DNAJC19: variants seen among roughly 807,000 people sequenced by gnomAD.
The protein encoded by DNAJC19 is mitochondrial import inner membrane translocase subunit TIM14.
In DNAJC19, 15 loss-of-function variants were observed where a neutral mutation model predicts 19.8. The observed-to-expected ratio is 0.76, with a 90% CI of 0.51 to 1.17. DNAJC19 has a LOEUF of 1.17. Ranked by LOEUF, DNAJC19 falls within the 50% of genes most tolerant of loss-of-function variation. The probability of loss-of-function intolerance (pLI) is 0.00; values close to 1 mark genes in which losing one functional copy is unlikely to be tolerated. For synonymous variants in DNAJC19, 38 were observed against 42.1 expected (o/e 0.90, Z 0.38); for missense variants, 105 against 140.9 (o/e 0.75, Z 1.29).
chr3:180,987,132 CT>C, intron 3 of DNAJC19, 110 bp from the exon 4 acceptor site: 1 of 934,370 alleles, frequency 1.1e-6, no homozygotes, highest in Non-Finnish European at 1.7e-6. Context: ...TTTCAGAGGA[CT>C]TTTAGTGCAA....
intron 1 of DNAJC19, 59 bp downstream of exon 1, chr3:180,989,541 G>C (rs1334570429): frequency 3.8e-6 from 6 of 1,558,544 alleles, no homozygotes. Context: ...TCCGAGGCGG[G>C]GAGCTGAGGT....
chr3:180,984,816 T>G (rs1714816273), intron 5 of DNAJC19, 106 bp from the exon 6 acceptor site: 4 of 770,876 alleles, frequency 5.2e-6, no homozygotes, highest in Admixed American at 2.9e-5. Context: ...TGAGGGAGAT[T>G]TAGCAGAAAC....
rs747723351 is a variant in DNAJC19 at position 180,988,075 on chromosome 3, A to G, written c.77T>C (p.Met26Thr). 1.2e-6 allele frequency: 2 copies of G among 1,614,214 alleles called. No homozygotes were observed. Among genetic ancestry groups the G allele is most frequent in the Non-Finnish European group, 1.7e-6 (2 of 1,180,026 alleles). Residue 26 changes from methionine (M) to threonine (T), a missense_variant, in exon 3 of 6, where the codon ATG (methionine) becomes ACG (threonine). Met to Thr is a moderately conservative substitution (Grantham distance 81). Transcript: ENST00000382564. ...TTTTACTTGAGGCTCCATATGCTTC[A>G]TGGCTTGCAAAACGTAACGGCCTAA... ...GFAGRYVLQA[M>T]KHMEPQVKQV... is the part of the protein sequence containing the mutation.
chr3:180,985,611 G>A (rs1242270823), intron 5 of DNAJC19: 9 of 293,824 alleles, frequency 3.1e-5, no homozygotes, highest in South Asian at 1.7e-4. Context: ...GGTAATCTCC[G>A]TTTCAAGGTA....
chr3:180,989,550 G>A (rs1715109560), intron 1 of DNAJC19, 50 bp downstream of exon 1: 2 of 1,562,920 alleles, frequency 1.3e-6, no homozygotes, highest in South Asian at 2.4e-5. Flanking sequence ...GGGAGCTGAG[G>A]TTGAGGCCTG....
chr3:180,986,572 G>A (rs529417299), intron 4 of DNAJC19: 18 of 209,958 alleles, frequency 8.6e-5, no homozygotes, highest in African/African-American at 2.8e-4. Context: ...GTGAGTCACC[G>A]CGCCCGGTTG....
intron 1 of DNAJC19, 60 bp downstream of exon 1, chr3:180,989,540 G>T: frequency 6.4e-7 from 1 of 1,558,280 alleles, no homozygotes; most frequent in Non-Finnish European, 8.7e-7. Flanking sequence ...CTCCGAGGCG[G>T]GGAGCTGAGG....
chr3:180,988,723 G>A lies in DNAJC19; in HGVS notation c.4-494C>T, dbSNP rs184925184. The stretch of plus-strand genomic sequence containing the variant: ...GTTCAATCAAAAGTAGTGGAAATAG[G>A]CCAGGCGCGGTGGCTCACGCCTGTA... On this transcript the variant is annotated intron_variant, in intron 1 of 5. Coordinates refer to ENST00000382564, the MANE Select transcript of DNAJC19 (RefSeq NM_145261.4). Among the ~76,000 whole-genome samples the A allele has an allele frequency of 6.7e-3, 1,019 of 152,046 alleles. 7 individuals are homozygous for A. Among genetic ancestry groups the A allele is most frequent in the Non-Finnish European group, 9.5e-3 (646 of 67,974 alleles).
rs1400868784 is a variant in DNAJC19, at chr3:180,988,047, T to C, written c.105A>G (p.Gln35=). ...CAGATTTTGGTAGGCTTTGAAAAAC[T>C]TGTTTTACTTGAGGCTCCATATGCT... ...AMKHMEPQVK[Q]VFQSLPKSAF... Residue 35 remains glutamine (Q), a synonymous_variant, in exon 3 of 6, where the codon CAA becomes CAG. Coordinates refer to ENST00000382564, the MANE Select transcript of DNAJC19 (RefSeq NM_145261.4). The C allele has an allele frequency of 4.3e-6, 7 of 1,614,092 alleles. No homozygotes were observed. The highest frequency in any genetic ancestry group is 5.9e-6 in the Non-Finnish European group (7 of 1,180,036).
intron 3 of DNAJC19, chr3:180,987,298 T>TCAG: frequency 2.3e-6 from 1 of 441,474 alleles, no homozygotes; most frequent in Non-Finnish European, 4.1e-6. Flanking sequence ...AGCCAGGTCT[T>TCAG]CCGGGAGTAA....
At position 180,984,643 on chromosome 3, in the gene DNAJC19, T is replaced by C. The variant is rs771098271; in HGVS notation, c.348A>G (p.Lys116=). The C allele has an allele frequency of 6.2e-7, 1 of 1,600,292 alleles. No individual in the cohort carries two copies. The highest frequency in any genetic ancestry group is 1.1e-5 in the South Asian group (1 of 90,086). ...TAAAATTCATCATACATTTACTTCA[T>C]TTTTTAGCTTGACCTTCTAGTAAAT... is the stretch of plus-strand genomic sequence containing the variant. ...AKDLLEGQAK[K] Residue 116 remains lysine (K), a synonymous_variant, in exon 6 of 6, where the codon AAA becomes AAG. Coordinates refer to ENST00000382564, the MANE Select transcript of DNAJC19 (RefSeq NM_145261.4).
rs1455873761 is a variant in DNAJC19 at position 180,985,793 on chromosome 3, GC to G, written c.280+132del. On this transcript the variant is annotated intron_variant, in intron 5 of 5. Coordinates refer to ENST00000382564, the MANE Select transcript of DNAJC19 (RefSeq NM_145261.4). The stretch of plus-strand genomic sequence containing the variant: ...TCTTTTAAGACACCAAAAATATATG[GC>G]TCCAGCCTAGGAGACAGGACTTACA... 7.8e-6 allele frequency: 6 copies of G among 768,314 alleles called. No homozygotes were observed. The African/African-American group carries it at 1.0e-4, about 13-fold the overall frequency. The allele number at this position is 768,314 out of a possible 1,614,324, so 47.6% of individuals were successfully genotyped here.
intron 2 of DNAJC19, 25 bp downstream of exon 2, chr3:180,988,153 T>A (rs760014189): frequency 6.2e-7 from 1 of 1,614,144 alleles, no homozygotes; most frequent in South Asian, 1.1e-5. Flanking sequence ...CCGACTTCAC[T>A]TCCATCCCCA....
At position 180,989,703 on chromosome 3, in the gene DNAJC19, C is replaced by T; in HGVS notation, c.-101G>A. ...CGCCTTTACCAGAGAGCGACGCAAC[C>T]CCCAACCTCAAGCACAGGCGCCCTA... On this transcript the variant is annotated 5_prime_UTR_variant, in exon 1 of 6. Coordinates refer to ENST00000382564, the MANE Select transcript of DNAJC19 (RefSeq NM_145261.4). The T allele has an allele frequency of 6.5e-7, 1 of 1,540,616 alleles. No individual in the cohort carries two copies. The highest frequency in any genetic ancestry group is 8.8e-7 in the Non-Finnish European group (1 of 1,141,532).
rs1454841514 is a variant in DNAJC19 at position 180,984,453 on chromosome 3, G to T, written c.*187C>A. 1 of 615,996 alleles carries T rather than the reference G, an allele frequency of 1.6e-6. No homozygotes were observed. Among genetic ancestry groups the T allele is most frequent in the South Asian group, 1.5e-5 (1 of 65,670 alleles). The allele number at this position is 615,996 out of a possible 1,614,324, so 38.2% of individuals were successfully genotyped here. A position where few individuals can be genotyped will look rare whatever the true frequency, so the allele number is the denominator to read the frequency against. Reference sequence around the variant, plus strand: ...GTGTGTGCTTGCCCATAATTAATACGCAAATATTCTAAACTATAATCTGAT... The same window carrying T: ...GTGTGTGCTTGCCCATAATTAATACTCAAATATTCTAAACTATAATCTGAT... On this transcript the variant is annotated 3_prime_UTR_variant, in exon 6 of 6. Coordinates refer to ENST00000382564, the MANE Select transcript of DNAJC19 (RefSeq NM_145261.4).
rs753922827 is a variant in DNAJC19 at position 180,986,007 on chromosome 3, AAAG to A, written c.210-14_210-12del. On this transcript the variant is annotated splice_polypyrimidine_tract_variant and intron_variant, in intron 4 of 5. Coordinates refer to ENST00000382564, the MANE Select transcript of DNAJC19 (RefSeq NM_145261.4). ...TTATTGGCAGTAGGGCTAATTAAAA[AAAG>A]AAATGGTATTTACTTCATCCTACTT... 5.6e-6 allele frequency: 9 copies of A among 1,608,352 alleles called. No homozygotes were observed. The highest frequency in any genetic ancestry group is 3.3e-5 in the Admixed American group (2 of 59,998).
At position 180,984,090 on chromosome 3, in the gene DNAJC19, A is replaced by C. The variant is rs901181077; in HGVS notation, c.*550T>G. On this transcript the variant is annotated 3_prime_UTR_variant, in exon 6 of 6. Coordinates refer to ENST00000382564, the MANE Select transcript of DNAJC19 (RefSeq NM_145261.4). ...TGAAATAAAAATGGTTTATATGTACATAGAATACACACACACACACACCCC... is the reference window on the plus strand; with the variant it reads ...TGAAATAAAAATGGTTTATATGTACCTAGAATACACACACACACACACCCC... 10 of 453,904 alleles carry C rather than the reference A, an allele frequency of 2.2e-5. No individual in the cohort carries two copies. In the East Asian group the frequency reaches 6.3e-4, roughly 28 times the overall value. 28.1% of individuals were successfully genotyped at this position (453,904 alleles called of 1,614,324 possible).
rs555888288 is a variant in DNAJC19 at position 180,983,948 on chromosome 3, A to G, written c.*692T>C. On this transcript the variant is annotated 3_prime_UTR_variant, in exon 6 of 6. Transcript: ENST00000382564. ...TGTAAATACTCATGCCTGTAATCCC[A>G]GTACTTTGGGAGGCTGAGGCGGGAG... 1.3e-4 allele frequency: 58 copies of G among 454,056 alleles called. No homozygotes were observed. In the East Asian group the frequency reaches 3.4e-3, roughly 27 times the overall value. 28.1% of individuals were successfully genotyped at this position (454,056 alleles called of 1,614,324 possible).
rs1213811139 is a variant in DNAJC19 at position 180,984,279 on chromosome 3, A to G, written c.*361T>C. On this transcript the variant is annotated 3_prime_UTR_variant, in exon 6 of 6. Coordinates refer to ENST00000382564, the MANE Select transcript of DNAJC19 (RefSeq NM_145261.4). The stretch of plus-strand genomic sequence containing the variant: ...TAAGCTAATTTCCATCATACTATTT[A>G]TCACAGTCTAATTACCAGTTTATCA... 1 of 455,566 alleles carries G rather than the reference A, an allele frequency of 2.2e-6. No individual in the cohort carries two copies. The highest frequency in any genetic ancestry group is 6.9e-5 in the East Asian group (1 of 14,484). 28.2% of individuals were successfully genotyped at this position (455,566 alleles called of 1,614,324 possible). A position where few individuals can be genotyped will look rare whatever the true frequency, so the allele number is the denominator to read the frequency against.
Sources: allele counts gnomAD v4.1 joint callset (sites outside exome capture counted in the v4.1 genomes callset), GRCh38; gene constraint gnomAD v4.1.1; transcripts MANE v1.5; gene names NCBI Gene and HGNC (gene_info 2026-07-23, HGNC 2026-07-21).